Variants in NXPH3 observed in about 807,000 individuals in gnomAD.
NXPH3 encodes the protein neurexophilin-3.
Under a neutral mutation model 18.8 loss-of-function variants are expected in NXPH3, and 7 were observed. That is an observed-to-expected ratio of 0.37 (90% CI 0.21 to 0.70). The LOEUF is 0.70. NXPH3 is among the 30% of genes least tolerant of loss of function. NXPH3 has a pLI of 0.53. For synonymous variants in NXPH3, 101 were observed against 137.3 expected, an observed-to-expected ratio of 0.74 and a Z score of 1.85; for missense variants, 282 against 338.1, an observed-to-expected ratio of 0.83 and a Z score of 1.30.
chr17:49,576,104 C>A lies in NXPH3; in HGVS notation c.-116C>A. The A allele has an allele frequency of 7.5e-7, 1 of 1,334,508 alleles. No homozygotes were observed. Among genetic ancestry groups the A allele is most frequent in the Admixed American group, 2.0e-5 (1 of 50,130 alleles). The allele number at this position is 1,334,508 out of a possible 1,614,324, so 82.7% of individuals were successfully genotyped here. A position where few individuals can be genotyped will look rare whatever the true frequency, so the allele number is the denominator to read the frequency against. ...GGGCGACCCGCTGAGGGGAGGGCCG[C>A]GGGCCGCCGGGGACTGGAGCATGGG... On this transcript the variant is annotated 5_prime_UTR_variant, in exon 1 of 2. Transcript: ENST00000328741.
chr17:49,578,362 G>C lies in NXPH3; in HGVS notation c.55-234G>C, dbSNP rs1402630529. 6.8e-6 allele frequency among the ~76,000 whole-genome samples: 1 copy of C among 147,722 alleles called. No individual in the cohort carries two copies. Among genetic ancestry groups the C allele is most frequent in the Non-Finnish European group, 1.5e-5 (1 of 67,118 alleles). On this transcript the variant is annotated intron_variant, in intron 1 of 1. Coordinates refer to ENST00000328741, the MANE Select transcript of NXPH3 (RefSeq NM_007225.4). This position sits in a 1 kb window ranked among gnomAD's most constrained non-coding sequence, Gnocchi z 4.5. ...TGTCGGTCTTTGAGACTTTGAATTT[G>C]AATAGTGGCCAAGACAGTGAGGAAA... is the stretch of plus-strand genomic sequence containing the variant.
Position 49,579,211 on chromosome 17 carries a change from G to A in NXPH3, c.670G>A (p.Ala224Thr), listed in dbSNP as rs758345082. ...CTTCAAAGTCGTCTGTGTCTACATCGCCTTCTACAGCACGGACTATCGGCT... is the reference window on the plus strand; with the variant it reads ...CTTCAAAGTCGTCTGTGTCTACATCACCTTCTACAGCACGGACTATCGGCT... Reference protein sequence around the residue: ...QPFKVVCVYIAFYSTDYRLVQ... With the variant: ...QPFKVVCVYITFYSTDYRLVQ... Residue 224 changes from alanine (A) to threonine (T), a missense_variant, in exon 2 of 2, where the codon GCC becomes ACC. Transcript: ENST00000328741. This position sits in a 1 kb window ranked among gnomAD's most constrained non-coding sequence, Gnocchi z 6.0. 1.8e-5 allele frequency: 29 copies of A among 1,608,574 alleles called. No homozygotes were observed. Among genetic ancestry groups the A allele is most frequent in the Middle Eastern group, 3.3e-4 (2 of 6,084 alleles).
rs554565232 is a variant in NXPH3 at position 49,580,918 on chromosome 17, G to A, written c.*1618G>A. 3 of 152,380 alleles carry A rather than the reference G, an allele frequency of 2.0e-5. No homozygotes were observed. Among genetic ancestry groups the A allele is most frequent in the Non-Finnish European group, 1.5e-5 (1 of 68,098 alleles). 9.4% of individuals were successfully genotyped at this position (152,380 alleles called of 1,614,324 possible). A position where few individuals can be genotyped will look rare whatever the true frequency, so the allele number is the denominator to read the frequency against. On this transcript the variant is annotated 3_prime_UTR_variant, in exon 2 of 2. Coordinates refer to ENST00000328741, the MANE Select transcript of NXPH3 (RefSeq NM_007225.4). ...GGGCCTAAGAATTAGAATTTCTAAC[G>A]AGTGCCCAGGTCTATGCTGATGCTG...
At position 49,582,635 on chromosome 17, in the gene NXPH3, A is replaced by G. The variant is rs1438153230; in HGVS notation, c.*3335A>G. On this transcript the variant is annotated 3_prime_UTR_variant, in exon 2 of 2. Coordinates refer to ENST00000328741, the MANE Select transcript of NXPH3 (RefSeq NM_007225.4). ...CTGGGGGTCCCTGAGGGCAGAAGCT[A>G]TGCCTCCCCTCATCAGACTGGAGTC... is the stretch of plus-strand genomic sequence containing the variant. The G allele has an allele frequency of 3.9e-5, 6 of 152,142 alleles. No homozygotes were observed. The highest frequency in any genetic ancestry group is 5.9e-5 in the Non-Finnish European group (4 of 68,048). The allele number at this position is 152,142 out of a possible 1,614,324, so 9.4% of individuals were successfully genotyped here. A position where few individuals can be genotyped will look rare whatever the true frequency, so the allele number is the denominator to read the frequency against.
chr17:49,579,324 G>A lies in NXPH3; in HGVS notation c.*24G>A, dbSNP rs2143042135. 8 of 1,575,244 alleles carry A rather than the reference G, an allele frequency of 5.1e-6. No homozygotes were observed. In the African/African-American group the frequency reaches 6.7e-5, roughly 13 times the overall value. On this transcript the variant is annotated 3_prime_UTR_variant, in exon 2 of 2. Transcript: ENST00000328741. This position sits in a 1 kb window ranked among gnomAD's most constrained non-coding sequence, Gnocchi z 6.0. Reference sequence around the variant, plus strand: ...GACCCGGGGCAGGCCACAGAGGCCAGGCCAGGGCTGGAAGGACAGGCCTGC... The same window carrying A: ...GACCCGGGGCAGGCCACAGAGGCCAAGCCAGGGCTGGAAGGACAGGCCTGC...
rs964487139 is a variant in NXPH3 at position 49,579,802 on chromosome 17, C to T, written c.*502C>T. 1 of 161,224 alleles carries T rather than the reference C, an allele frequency of 6.2e-6. No homozygotes were observed. The highest frequency in any genetic ancestry group is 1.8e-4 in the South Asian group (1 of 5,526). 10.0% of individuals were successfully genotyped at this position (161,224 alleles called of 1,614,324 possible). On this transcript the variant is annotated 3_prime_UTR_variant, in exon 2 of 2. Coordinates refer to ENST00000328741, the MANE Select transcript of NXPH3 (RefSeq NM_007225.4). This position sits in a 1 kb window ranked among gnomAD's most constrained non-coding sequence, Gnocchi z 6.0. ...GGTGGGGTGGGGCCAGAGGAGCTCTCCAGCCCTGCCTAGTGGGCGCCCTCA... is the reference window on the plus strand; with the variant it reads ...GGTGGGGTGGGGCCAGAGGAGCTCTTCAGCCCTGCCTAGTGGGCGCCCTCA...
chr17:49,580,016 GT>G lies in NXPH3; in HGVS notation c.*717del, dbSNP rs1239843729. The G allele has an allele frequency of 1.3e-5, 2 of 152,452 alleles. No homozygotes were observed. Among genetic ancestry groups the G allele is most frequent in the South Asian group, 4.1e-4 (2 of 4,832 alleles). 9.4% of individuals were successfully genotyped at this position (152,452 alleles called of 1,614,324 possible). On this transcript the variant is annotated 3_prime_UTR_variant, in exon 2 of 2. Coordinates refer to ENST00000328741, the MANE Select transcript of NXPH3 (RefSeq NM_007225.4). ...ATCCTTAAGCTAAGACAGGACGATTGTGGTCCTCCCACACTAAGGCCACAGC... is the reference window on the plus strand; with the variant it reads ...ATCCTTAAGCTAAGACAGGACGATTGGGTCCTCCCACACTAAGGCCACAGC...
Position 49,579,006 on chromosome 17 carries a change from A to G in NXPH3, c.465A>G (p.Val155=), listed in dbSNP as rs772249731. 6.2e-7 allele frequency: 1 copy of G among 1,614,208 alleles called. No homozygotes were observed. Among genetic ancestry groups the G allele is most frequent in the South Asian group, 1.1e-5 (1 of 91,080 alleles). ...SISLVPPSKA[V]EFHQEQQIFI... is the part of the protein sequence containing the mutation. The stretch of plus-strand genomic sequence containing the variant: ...GCCTCGTGCCCCCCAGTAAAGCTGT[A>G]GAGTTCCACCAGGAACAGCAGATCT... The change falls in exon 2 of 2, where the codon GTA becomes GTG. Residue 155 remains valine (V), a synonymous_variant. Coordinates refer to ENST00000328741, the MANE Select transcript of NXPH3 (RefSeq NM_007225.4). This position sits in a 1 kb window ranked among gnomAD's most constrained non-coding sequence, Gnocchi z 6.0.
In NXPH3 at chr17:49,582,283, T is replaced by TTTTTTAATGATACG; in HGVS notation, c.*2983_*2984insTTTTTAATGATACG. 5.0e-6 allele frequency: 1 copy of TTTTTTAATGATACG among 200,340 alleles called. No individual in the cohort carries two copies. Among genetic ancestry groups the TTTTTTAATGATACG allele is most frequent in the Non-Finnish European group, 1.0e-5 (1 of 98,982 alleles). 12.4% of individuals were successfully genotyped at this position (200,340 alleles called of 1,614,324 possible). A position where few individuals can be genotyped will look rare whatever the true frequency, so the allele number is the denominator to read the frequency against. Reference sequence around the variant, plus strand: ...CCTCTGAAGAAACCTGTCCCCACTCTGCCCAGACCCCAAAGGGCCAGGTCC... The same window carrying TTTTTTAATGATACG: ...CCTCTGAAGAAACCTGTCCCCACTCTTTTTTAATGATACGGCCCAGACCCCAAAGGGCCAGGTCC... On this transcript the variant is annotated 3_prime_UTR_variant, in exon 2 of 2. Transcript: ENST00000328741.
At position 49,582,443 on chromosome 17, in the gene NXPH3, G is replaced by A. The variant is rs145194611; in HGVS notation, c.*3143G>A. ...CCAGCTGGGGGCTGCCGGGGGCCTT[G>A]TCTCCTCCATCAGTGGAGCCTCTGG... On this transcript the variant is annotated 3_prime_UTR_variant, in exon 2 of 2. Transcript: ENST00000328741. The A allele has an allele frequency of 9.1e-3, 1,389 of 152,746 alleles. 15 individuals carry two copies. The highest frequency in any genetic ancestry group is 0.017 in the Middle Eastern group (5 of 294). 9.5% of individuals were successfully genotyped at this position (152,746 alleles called of 1,614,324 possible). A position where few individuals can be genotyped will look rare whatever the true frequency, so the allele number is the denominator to read the frequency against.
Position 49,581,332 on chromosome 17 carries a change from C to T in NXPH3, c.*2032C>T, listed in dbSNP as rs1447483765. On this transcript the variant is annotated 3_prime_UTR_variant, in exon 2 of 2. Coordinates refer to ENST00000328741, the MANE Select transcript of NXPH3 (RefSeq NM_007225.4). The stretch of plus-strand genomic sequence containing the variant: ...CTGGAGGTCATTCTAAGTCGGCTCT[C>T]TTGGGAGGGCAGCACTCAGGGCCCT... 7.6e-6 allele frequency: 4 copies of T among 523,956 alleles called. No individual in the cohort carries two copies. Among genetic ancestry groups the T allele is most frequent in the African/African-American group, 1.9e-5 (1 of 52,180 alleles). 32.5% of individuals were successfully genotyped at this position (523,956 alleles called of 1,614,324 possible).
intron 1 of NXPH3, among the ~76,000 whole-genome samples, chr17:49,577,194 C>CGTCCTA (rs1356470669): frequency 6.6e-6 from 1 of 152,158 alleles, no homozygotes; most frequent in East Asian, 1.9e-4. Context: ...CCGAGCCTCC[C>CGTCCTA]GTCCTAGCCG....
rs567994195 is a variant in NXPH3, at chr17:49,582,168, C to T, written c.*2868C>T. The stretch of plus-strand genomic sequence containing the variant: ...GAAGACGTCACCTCTGCCCCATTGG[C>T]GAGCAGTGTCCCCATGGTGATGCCC... On this transcript the variant is annotated 3_prime_UTR_variant, in exon 2 of 2. Transcript: ENST00000328741. 26 of 441,704 alleles carry T rather than the reference C, an allele frequency of 5.9e-5. No individual in the cohort carries two copies. The highest frequency in any genetic ancestry group is 4.2e-4 in the African/African-American group (21 of 50,062). The allele number at this position is 441,704 out of a possible 1,614,324, so 27.4% of individuals were successfully genotyped here.
In NXPH3 at chr17:49,582,990, A is replaced by G. The variant is rs1941251523; in HGVS notation, c.*3690A>G. 6.6e-6 allele frequency: 1 copy of G among 151,830 alleles called. No homozygotes were observed. The highest frequency in any genetic ancestry group is 2.1e-4 in the South Asian group (1 of 4,810). The allele number at this position is 151,830 out of a possible 1,614,324, so 9.4% of individuals were successfully genotyped here. A position where few individuals can be genotyped will look rare whatever the true frequency, so the allele number is the denominator to read the frequency against. ...CGGGAACTGAGTCACCCTGTTCCCC[A>G]TCCTTGGCAGGAATGCTGGTGACCT... On this transcript the variant is annotated 3_prime_UTR_variant, in exon 2 of 2. Transcript: ENST00000328741.
rs1002181852 is a variant in NXPH3 at position 49,581,797 on chromosome 17, C to T, written c.*2497C>T. 7 of 701,730 alleles carry T rather than the reference C, an allele frequency of 1.0e-5. No individual in the cohort carries two copies. The highest frequency in any genetic ancestry group is 2.0e-5 in the Admixed American group (1 of 49,914). 43.5% of individuals were successfully genotyped at this position (701,730 alleles called of 1,614,324 possible). On this transcript the variant is annotated 3_prime_UTR_variant, in exon 2 of 2. Coordinates refer to ENST00000328741, the MANE Select transcript of NXPH3 (RefSeq NM_007225.4). ...CTCCCCTGGCTGAACTCTCAGCAGGCACTGGGGGCACTTTGACCCCCCTCC... is the reference window on the plus strand; with the variant it reads ...CTCCCCTGGCTGAACTCTCAGCAGGTACTGGGGGCACTTTGACCCCCCTCC...
rs1483366008 is a variant in NXPH3 at position 49,575,909 on chromosome 17, G to T, written c.-311G>T. On this transcript the variant is annotated 5_prime_UTR_variant, in exon 1 of 2. Coordinates refer to ENST00000328741, the MANE Select transcript of NXPH3 (RefSeq NM_007225.4). The surrounding 1 kb of genome is among the most constrained non-coding windows in gnomAD (Gnocchi z 4.3). ...GAGAGCGGCGCCGCTGGAGCCGAGGGGGGCGCCGAGCGCAGATCTGGAGCA... is the reference window on the plus strand; with the variant it reads ...GAGAGCGGCGCCGCTGGAGCCGAGGTGGGCGCCGAGCGCAGATCTGGAGCA... 1.8e-5 allele frequency: 6 copies of T among 326,690 alleles called. No individual in the cohort carries two copies. The highest frequency in any genetic ancestry group is 3.3e-5 in the Non-Finnish European group (6 of 181,370). The allele number at this position is 326,690 out of a possible 1,614,324, so 20.2% of individuals were successfully genotyped here.
rs905637185 is a variant in NXPH3 at position 49,580,829 on chromosome 17, G to A, written c.*1529G>A. The A allele has an allele frequency of 1.3e-5, 2 of 152,312 alleles. No homozygotes were observed. The highest frequency in any genetic ancestry group is 2.9e-5 in the Non-Finnish European group (2 of 68,102). 9.4% of individuals were successfully genotyped at this position (152,312 alleles called of 1,614,324 possible). A position where few individuals can be genotyped will look rare whatever the true frequency, so the allele number is the denominator to read the frequency against. On this transcript the variant is annotated 3_prime_UTR_variant, in exon 2 of 2. Coordinates refer to ENST00000328741, the MANE Select transcript of NXPH3 (RefSeq NM_007225.4). ...GGGGTTCTCAAACGCGGATCACCCA[G>A]AGGGTTTGTTAACACACAGATTTCT...
Position 49,578,520 on chromosome 17 carries a change from C to T in NXPH3, c.55-76C>T. ...CCAGGTCAGAGTGAAGTGGCAGGGACAGGGGTACTGCTGGTAGCGGGGGTG... is the reference window on the plus strand; with the variant it reads ...CCAGGTCAGAGTGAAGTGGCAGGGATAGGGGTACTGCTGGTAGCGGGGGTG... On this transcript the variant is annotated intron_variant, in intron 1 of 1. Transcript: ENST00000328741. This position sits in a 1 kb window ranked among gnomAD's most constrained non-coding sequence, Gnocchi z 4.5. 8.4e-7 allele frequency: 1 copy of T among 1,189,450 alleles called. No homozygotes were observed. The highest frequency in any genetic ancestry group is 1.2e-6 in the Non-Finnish European group (1 of 849,030). The allele number at this position is 1,189,450 out of a possible 1,614,324, so 73.7% of individuals were successfully genotyped here.
rs763488661 is a variant in NXPH3, at chr17:49,579,281, C to G, written c.740C>G (p.Pro247Arg). 4 of 1,597,940 alleles carry G rather than the reference C, an allele frequency of 2.5e-6. No individual in the cohort carries two copies. In the African/African-American group the frequency reaches 5.3e-5, roughly 21 times the overall value. ...CPDYNYHSDTPYYPSG is the reference protein window; with the variant it reads ...CPDYNYHSDTRYYPSG The stretch of plus-strand genomic sequence containing the variant: ...GATTACAACTACCATAGTGATACCC[C>G]CTACTACCCATCTGGGTGACCCGGG... Residue 247 changes from proline to arginine, a missense_variant, in exon 2 of 2, where the codon CCC becomes CGC. Physicochemically the swap from Pro to Arg is moderately radical, Grantham distance 103. Coordinates refer to ENST00000328741, the MANE Select transcript of NXPH3 (RefSeq NM_007225.4). The surrounding 1 kb of genome is among the most constrained non-coding windows in gnomAD (Gnocchi z 6.0).
Sources: allele counts gnomAD v4.1 joint callset (sites outside exome capture counted in the v4.1 genomes callset), GRCh38; gene constraint gnomAD v4.1.1; non-coding constraint Gnocchi (gnomAD v3.1); transcripts MANE v1.5; gene names NCBI Gene and HGNC (gene_info 2026-07-23, HGNC 2026-07-21).